INPP5A: variants seen among roughly 807,000 people sequenced by gnomAD.
INPP5A encodes 43 kDa inositol polyphosphate 5-phophatase.
INPP5A carries 14 observed loss-of-function variants against 65.2 expected under a neutral mutation model. The ratio of observed to expected loss-of-function variants is 0.21; its 90% confidence interval spans 0.14 to 0.34. The LOEUF (loss-of-function observed/expected upper bound fraction) is 0.34. INPP5A is among the 10% of genes least tolerant of loss of function. The pLI is 1.00. For missense variants in INPP5A, 431 were observed against 545.6 expected (o/e 0.79, Z 2.09); for synonymous variants, 207 against 208.3 (o/e 0.99, Z 0.05).
intron 11 of INPP5A, among the ~76,000 whole-genome samples, chr10:132,757,521 A>G (rs1846646634): frequency 6.6e-6 from 1 of 152,236 alleles, no homozygotes; most frequent in Non-Finnish European, 1.5e-5. Context: ...CCAGGCGTGG[A>G]GCGTACACGC....
chr10:132,608,002 A>G (rs533900361), intron 2 of INPP5A, 46 bp downstream of exon 2: 16 of 1,576,618 alleles, frequency 1.0e-5, no homozygotes, highest in Middle Eastern at 1.7e-4. Flanking sequence ...TACTTAGCCA[A>G]TAAGGTGCCT....
Position 132,681,490 on chromosome 10 carries a change from C to T in INPP5A, c.307-8902C>T, listed in dbSNP as rs184297151. 5.1e-3 allele frequency among the ~76,000 whole-genome samples: 774 copies of T among 151,900 alleles called. 9 individuals are homozygous for T. Among genetic ancestry groups the T allele is most frequent in the African/African-American group, 0.018 (746 of 41,374 alleles). On this transcript the variant is annotated intron_variant, in intron 4 of 15. Transcript: ENST00000368594. ...CATCTGAACATCAGAAGGAACAAAC[C>T]CCGGACACGCCGCCTTTAAGAACTG...
At chr10:132,634,458 A>AGGCATGTCATCTCCCTT (rs2072315764) in intron 2 of INPP5A, among the ~76,000 whole-genome samples, 1 of 152,024 alleles carries the variant, frequency 6.6e-6, no homozygotes, top group African/African-American at 2.4e-5. Context: ...TGCCACGGAG[A>AGGCATGTCATCTCCCTT]GGAGTATGCA....
intron 12 of INPP5A, among the ~76,000 whole-genome samples, chr10:132,768,573 C>T (rs191189010): frequency 9.7e-4 from 148 of 152,352 alleles, no homozygotes; most frequent in African/African-American, 3.4e-3. Flanking sequence ...ACACTCTTCC[C>T]CGTGCAGCTC....
intron 1 of INPP5A, among the ~76,000 whole-genome samples, chr10:132,594,512 C>A (rs1159911145): frequency 6.6e-6 from 1 of 151,998 alleles, no homozygotes; most frequent in South Asian, 2.1e-4. Flanking sequence ...GTGTGGGGTG[C>A]GTTTGCATGC....
In INPP5A at chr10:132,592,653, C is replaced by T. The variant is rs192187985; in HGVS notation, c.76-15262C>T. On this transcript the variant is annotated intron_variant, in intron 1 of 15. Coordinates refer to ENST00000368594, the MANE Select transcript of INPP5A (RefSeq NM_005539.5). The stretch of plus-strand genomic sequence containing the variant: ...AACTCCTGATCTCAGGTGATCCGCC[C>T]GCCTTGGCTTCCCAAAGTGCTCGGA... 2.4e-4 allele frequency among the ~76,000 whole-genome samples: 36 copies of T among 152,352 alleles called. No individual in the cohort carries two copies. The East Asian group carries it at 3.5e-3, about 15-fold the overall frequency.
In INPP5A at chr10:132,547,211, G is replaced by T. The variant is rs537265064; in HGVS notation, c.75+9040G>T. Among the ~76,000 whole-genome samples the T allele has an allele frequency of 1.3e-4, 20 of 152,358 alleles. No individual in the cohort carries two copies. Among genetic ancestry groups the T allele is most frequent in the African/African-American group, 4.1e-4 (17 of 41,584 alleles). On this transcript the variant is annotated intron_variant, in intron 1 of 15. Coordinates refer to ENST00000368594, the MANE Select transcript of INPP5A (RefSeq NM_005539.5). The surrounding 1 kb of genome is among the most constrained non-coding windows in gnomAD (Gnocchi z 5.5). ...CTGTCAGCCTGTCTGTGCCCAGGGAGTAGGAATCCCACCTTGCATGGTGGC... is the reference window on the plus strand; with the variant it reads ...CTGTCAGCCTGTCTGTGCCCAGGGATTAGGAATCCCACCTTGCATGGTGGC...
Position 132,645,878 on chromosome 10 carries a change from C to T in INPP5A, c.128C>T (p.Thr43Ile), listed in dbSNP as rs568304990. The T allele has an allele frequency of 6.8e-6, 11 of 1,613,608 alleles. No homozygotes were observed. In the Admixed American group the frequency reaches 1.7e-4, roughly 24 times the overall value. Residue 43 changes from threonine (T) to isoleucine (I), a missense_variant, in exon 3 of 16, where the codon ACA becomes ATA. Coordinates refer to ENST00000368594, the MANE Select transcript of INPP5A (RefSeq NM_005539.5). ...WLREFYQVVH[T>I]HKPHFMALHC... ...CTTCTCTCCCTCCAGGTCGTGCACA[C>T]ACACAAGCCGCACTTCATGGCCTTG...
At chr10:132,614,496 G>A (rs2072003433) in intron 2 of INPP5A, among the ~76,000 whole-genome samples, 1 of 152,164 alleles carries the variant, frequency 6.6e-6, no homozygotes, top group African/African-American at 2.4e-5. Flanking sequence ...CAAAGCTGCA[G>A]AGCCTGGGCT....
chr10:132,723,805 C>G (rs558054303), intron 8 of INPP5A, among the ~76,000 whole-genome samples: 1 of 152,150 alleles, frequency 6.6e-6, no homozygotes, highest in African/African-American at 2.4e-5. Flanking sequence ...CTCTGTGCCC[C>G]GGGCTGCCGC....
At chr10:132,618,925 C>T (rs1247798829) in intron 2 of INPP5A, among the ~76,000 whole-genome samples, 3 of 152,206 alleles carry the variant, frequency 2.0e-5, no homozygotes, top group Non-Finnish European at 2.9e-5. Context: ...ATCCAAACAC[C>T]TCCCACCAGG....
chr10:132,666,229 T>TCCTAG (rs2072800399), intron 4 of INPP5A, among the ~76,000 whole-genome samples: 1 of 152,154 alleles, frequency 6.6e-6, no homozygotes, highest in Admixed American at 6.6e-5. Context: ...GGGGGAGTAA[T>TCCTAG]TCATAGTCAG....
intron 11 of INPP5A, among the ~76,000 whole-genome samples, chr10:132,752,521 GGAGGAGGTGTGGCGTGGAGGGGCGTGGC>G (rs1564999912): frequency 2.1e-5 from 3 of 145,552 alleles, no homozygotes; most frequent in Non-Finnish European, 4.5e-5. Context: ...GGCGTGGCGT[GGAGGAGGTGTGGCGTGGAGGGGCGTGGC>G]GAGGAGGTGT....
chr10:132,591,112 A>AGTTTT (rs759910578), intron 1 of INPP5A, among the ~76,000 whole-genome samples: 6 of 152,110 alleles, frequency 3.9e-5, no homozygotes, highest in Admixed American at 6.5e-5. Flanking sequence ...TTTTTCCATC[A>AGTTTT]GTTTTGTTTT....
chr10:132,636,613 C>G (rs2072356523), intron 2 of INPP5A, among the ~76,000 whole-genome samples: 1 of 152,214 alleles, frequency 6.6e-6, no homozygotes, highest in African/African-American at 2.4e-5. Flanking sequence ...TGGGGCTGCC[C>G]TTGCGCTGCT....
chr10:132,557,465 A>G (rs1002775281), intron 1 of INPP5A, among the ~76,000 whole-genome samples: 1 of 152,244 alleles, frequency 6.6e-6, no homozygotes, highest in Non-Finnish European at 1.5e-5. Context: ...TAATGCCAAC[A>G]AGAGACCTGC....
intron 1 of INPP5A, among the ~76,000 whole-genome samples, chr10:132,589,095 C>G (rs1478658101): frequency 1.3e-5 from 2 of 152,170 alleles, no homozygotes; most frequent in Non-Finnish European, 2.9e-5. Context: ...GGGGTGTGGT[C>G]CAGGGTGTGG....
intron 8 of INPP5A, among the ~76,000 whole-genome samples, chr10:132,720,505 T>G (rs1424058721): frequency 4.7e-5 from 7 of 149,844 alleles, no homozygotes; most frequent in Non-Finnish European, 7.4e-5. Context: ...ACAGCTGTCT[T>G]GCGGGTTCTT....
chr10:132,770,231 G>A (rs1010958973), intron 12 of INPP5A, among the ~76,000 whole-genome samples: 3 of 152,138 alleles, frequency 2.0e-5, no homozygotes, highest in Non-Finnish European at 4.4e-5. Flanking sequence ...CCTGCCCGAC[G>A]GTACCCACCC....
Sources: gnomAD v4.1 joint callset for allele counts (sites outside exome capture counted in the v4.1 genomes callset) on GRCh38, gnomAD v4.1.1 for gene constraint, Gnocchi (gnomAD v3.1) non-coding constraint, MANE v1.5 for transcripts, NCBI Gene and HGNC (gene_info 2026-07-23, HGNC 2026-07-21) for gene names.